The following TACR3 variants were observed in gnomAD, a reference collection of about 807,000 sequenced individuals.
TACR3 encodes neuromedin-K receptor.
Under a neutral mutation model 35.0 loss-of-function variants are expected in TACR3, and 34 were observed. The observed-to-expected ratio is 0.97, with a 90% CI of 0.74 to 1.30. The LOEUF is 1.30. TACR3 is among the 50% of genes most tolerant of loss of function. The probability of loss-of-function intolerance (pLI) is 0.00; values close to 1 mark genes in which losing one functional copy is unlikely to be tolerated. For missense variants in TACR3, 558 were observed against 591.7 expected (o/e 0.94, Z 0.59); for synonymous variants, 233 against 221.1 (o/e 1.05, Z -0.48).
At chr4:103,663,198 A>C (rs550664541) in intron 1 of TACR3, among the ~76,000 whole-genome samples, 19 of 152,202 alleles carry the variant, frequency 1.2e-4, no homozygotes, top group Non-Finnish European at 2.4e-4. Flanking sequence ...GAAGAGGAAA[A>C]GAATGGAAGC....
chr4:103,629,267 A>G (rs777254755), intron 3 of TACR3, among the ~76,000 whole-genome samples: 1 of 152,134 alleles, frequency 6.6e-6, no homozygotes, highest in African/African-American at 2.4e-5. Context: ...CCTATTCAAC[A>G]TAGTGTTGGA....
At chr4:103,700,572 C>T (rs1722626035) in intron 1 of TACR3, among the ~76,000 whole-genome samples, 2 of 152,132 alleles carry the variant, frequency 1.3e-5, no homozygotes, top group South Asian at 4.1e-4. Flanking sequence ...GGTGATGTCT[C>T]CTTATACAAT....
intron 1 of TACR3, among the ~76,000 whole-genome samples, chr4:103,716,475 A>G (rs1251617109): frequency 1.3e-5 from 2 of 152,170 alleles, no homozygotes; most frequent in East Asian, 3.8e-4. Flanking sequence ...TTAAATCGTG[A>G]AAATAGAAAG....
chr4:103,591,750 A>C, intron 3 of TACR3, 67 bp from the exon 4 acceptor site: 14 of 1,424,408 alleles, frequency 9.8e-6, no homozygotes, highest in East Asian at 2.5e-5. Context: ...CTTATTGCAA[A>C]TCATGCTTTT....
chr4:103,630,257 C>T (rs1195611215), intron 3 of TACR3, among the ~76,000 whole-genome samples: 2 of 152,166 alleles, frequency 1.3e-5, no homozygotes, highest in Non-Finnish European at 2.9e-5. Context: ...CTAGGCAATA[C>T]CATTCAGGAC....
At chr4:103,633,709 C>T (rs78827094) in intron 3 of TACR3, among the ~76,000 whole-genome samples, 2,145 of 152,180 alleles carry the variant, frequency 0.014, 47 homozygotes, top group African/African-American at 0.05. Context: ...TAGTCTCTAA[C>T]CTTATCCAGG....
chr4:103,592,187 C>G (rs190294639), intron 3 of TACR3, among the ~76,000 whole-genome samples: 1 of 152,238 alleles, frequency 6.6e-6, no homozygotes, highest in Non-Finnish European at 1.5e-5. Flanking sequence ...CTGCTCACTA[C>G]GTAACCTTAT....
At chr4:103,641,981 G>A (rs960933428) in intron 3 of TACR3, among the ~76,000 whole-genome samples, 4 of 151,822 alleles carry the variant, frequency 2.6e-5, no homozygotes, top group Non-Finnish European at 5.9e-5. Flanking sequence ...TGTTGGGAGG[G>A]AATGGGAGAT....
At chr4:103,679,626 G>A (rs1258196127) in intron 1 of TACR3, among the ~76,000 whole-genome samples, 2 of 151,886 alleles carry the variant, frequency 1.3e-5, no homozygotes, top group Non-Finnish European at 2.9e-5. Context: ...GAGATGGTAT[G>A]AATCCTTTTA....
Position 103,589,653 on chromosome 4 carries a change from A to G in TACR3, c.*29T>C. 1 of 1,612,732 alleles carries G rather than the reference A, an allele frequency of 6.2e-7. No homozygotes were observed. Among genetic ancestry groups the G allele is most frequent in the East Asian group, 2.2e-5 (1 of 44,826 alleles). On this transcript the variant is annotated 3_prime_UTR_variant, in exon 5 of 5. Transcript: ENST00000304883. The stretch of plus-strand genomic sequence containing the variant: ...CCTAGACTGGCACCATGATGGTCTC[A>G]CACTAATCTTTTACCTCAGGAAATG...
chr4:103,702,089 A>G (rs1722664540), intron 1 of TACR3, among the ~76,000 whole-genome samples: 1 of 152,210 alleles, frequency 6.6e-6, no homozygotes, highest in African/African-American at 2.4e-5. Context: ...ACAGCAAAAG[A>G]AACTACCATC....
chr4:103,688,046 A>G (rs1722296360), intron 1 of TACR3, among the ~76,000 whole-genome samples: 1 of 152,200 alleles, frequency 6.6e-6, no homozygotes, highest in African/African-American at 2.4e-5. Flanking sequence ...GTACCAAAAC[A>G]GAGATATAGA....
chr4:103,688,293 C>T (rs1158580729), intron 1 of TACR3, among the ~76,000 whole-genome samples: 3 of 152,276 alleles, frequency 2.0e-5, no homozygotes, highest in African/African-American at 7.2e-5. Flanking sequence ...ACCATAAAAA[C>T]CCTAGAAGAA....
At chr4:103,681,675 T>C (rs1722093099) in intron 1 of TACR3, among the ~76,000 whole-genome samples, 1 of 152,112 alleles carries the variant, frequency 6.6e-6, no homozygotes, top group Admixed American at 6.6e-5. Flanking sequence ...ATTTTGCATT[T>C]CATAATCTTT....
chr4:103,590,261 C>T (rs544136107), intron 4 of TACR3, among the ~76,000 whole-genome samples: 8 of 152,064 alleles, frequency 5.3e-5, no homozygotes, highest in African/African-American at 1.2e-4. Context: ...TCATCAATAG[C>T]GAATGCATAG....
At chr4:103,661,694 T>C (rs1158067708) in intron 1 of TACR3, among the ~76,000 whole-genome samples, 14 of 152,254 alleles carry the variant, frequency 9.2e-5, no homozygotes, top group Non-Finnish European at 1.9e-4. Flanking sequence ...TGTTAGAAAT[T>C]AATTTCTAAC....
Position 103,716,215 on chromosome 4 carries a change from TTGTGTG to T in TACR3, c.548+2907_548+2912del, listed in dbSNP as rs56790385. Among the ~76,000 whole-genome samples the T allele has an allele frequency of 8.8e-3, 1,265 of 143,302 alleles. 13 individuals carry two copies. The highest frequency in any genetic ancestry group is 0.018 in the African/African-American group (722 of 39,138). 94.0% of individuals were successfully genotyped at this position (143,302 alleles called of 152,430 possible). A position where few individuals can be genotyped will look rare whatever the true frequency, so the allele number is the denominator to read the frequency against. ...CTCTTCACTGACAAATAATTTTATCTTGTGTGTGTGTGTGTGTGTGTGTGTGTGTGT... is the reference window on the plus strand; with the variant it reads ...CTCTTCACTGACAAATAATTTTATCTTGTGTGTGTGTGTGTGTGTGTGTGT... On this transcript the variant is annotated intron_variant, in intron 1 of 4. Transcript: ENST00000304883.
At position 103,588,483 on chromosome 4, in the gene TACR3, T is replaced by A. The variant is rs1308399063; in HGVS notation, c.*1199A>T. The A allele has an allele frequency of 6.6e-6, 1 of 152,134 alleles. No individual in the cohort carries two copies. Among genetic ancestry groups the A allele is most frequent in the Non-Finnish European group, 1.5e-5 (1 of 67,994 alleles). The allele number at this position is 152,134 out of a possible 1,614,324, so 9.4% of individuals were successfully genotyped here. On this transcript the variant is annotated 3_prime_UTR_variant, in exon 5 of 5. Coordinates refer to ENST00000304883, the MANE Select transcript of TACR3 (RefSeq NM_001059.3). ...TATCTTCTTGTAGTAAATGTGATGC[T>A]TTCTTAGGACTATTATCTCATTTCT...
intron 3 of TACR3, among the ~76,000 whole-genome samples, chr4:103,624,082 C>T (rs1277568795): frequency 1.3e-5 from 2 of 152,130 alleles, no homozygotes; most frequent in African/African-American, 4.8e-5. Context: ...GCCTTTTAAT[C>T]CACACGGGTA....
Sources: allele counts gnomAD v4.1 joint callset (sites outside exome capture counted in the v4.1 genomes callset), GRCh38; gene constraint gnomAD v4.1.1; transcripts MANE v1.5; gene names NCBI Gene and HGNC (gene_info 2026-07-23, HGNC 2026-07-21).